The following KAT2B variants were observed in gnomAD, a reference collection of about 807,000 sequenced individuals.
KAT2B encodes lysine acetyltransferase 2B.
A neutral mutation model predicts 105.9 loss-of-function variants in KAT2B; 36 were observed. That is an observed-to-expected ratio of 0.34 (90% CI 0.26 to 0.45). The LOEUF is 0.45. Ranked by LOEUF, KAT2B falls within the 20% of genes least tolerant of loss-of-function variation. The pLI is 1.00. For missense variants in KAT2B, 820 were observed against 1,021.6 expected (o/e 0.80, Z 2.69); for synonymous variants, 397 against 377.9 (o/e 1.05, Z -0.59).
intron 5 of KAT2B, among the ~76,000 whole-genome samples, chr3:20,103,047 G>A (rs1575134941): frequency 6.6e-6 from 1 of 152,078 alleles, no homozygotes; most frequent in East Asian, 1.9e-4. Flanking sequence ...CAGTTATAAA[G>A]TATTTTCTCC....
At chr3:20,071,580 A>G (rs1363574503) in intron 1 of KAT2B, among the ~76,000 whole-genome samples, 3 of 152,222 alleles carry the variant, frequency 2.0e-5, no homozygotes, top group African/African-American at 7.2e-5. Context: ...CTTCCATTTC[A>G]TAGGTCAGAT....
intron 1 of KAT2B, among the ~76,000 whole-genome samples, chr3:20,051,327 A>G (rs532980761): frequency 5.1e-4 from 78 of 152,166 alleles, no homozygotes; most frequent in Middle Eastern, 3.4e-3. Flanking sequence ...TGGGCTGATG[A>G]TGTCACTGCT....
intron 11 of KAT2B, among the ~76,000 whole-genome samples, chr3:20,133,747 C>T (rs1699550940): frequency 1.3e-5 from 2 of 152,146 alleles, no homozygotes; most frequent in African/African-American, 2.4e-5. Context: ...ACATTTTTCA[C>T]CAGTGGTGTT....
At chr3:20,115,938 G>T (rs1253018594) in intron 7 of KAT2B, among the ~76,000 whole-genome samples, 1 of 152,144 alleles carries the variant, frequency 6.6e-6, no homozygotes, top group Non-Finnish European at 1.5e-5. Context: ...TTTGAAAAAG[G>T]TTTTCATCTG....
Position 20,117,543 on chromosome 3 carries a change from A to C in KAT2B, c.1151-2055A>C, listed in dbSNP as rs1038746232. ...GAAGGCCTATATATTGGGAGAAAAA[A>C]ACATAGAGCCTGGCACTTTAGTATA... On this transcript the variant is annotated intron_variant, in intron 7 of 17. Transcript: ENST00000263754. Among the ~76,000 whole-genome samples, 5 of 152,312 alleles carry C rather than the reference A, an allele frequency of 3.3e-5. No individual in the cohort carries two copies. In the South Asian group the frequency reaches 1.0e-3, roughly 32 times the overall value.
chr3:20,044,687 A>C (rs1697776921), intron 1 of KAT2B, among the ~76,000 whole-genome samples: 1 of 152,134 alleles, frequency 6.6e-6, no homozygotes, highest in Non-Finnish European at 1.5e-5. Flanking sequence ...CTTCCTATAG[A>C]ACTCAGATTC....
At chr3:20,041,059 C>A (rs2001650) in intron 1 of KAT2B, among the ~76,000 whole-genome samples, 6,149 of 152,184 alleles carry the variant, frequency 0.04, 392 homozygotes, top group African/African-American at 0.14. Context: ...CCCGGGCTAC[C>A]TTGGGGTTTT....
intron 5 of KAT2B, among the ~76,000 whole-genome samples, chr3:20,107,155 C>T (rs1305296288): frequency 2.8e-5 from 4 of 144,858 alleles, no homozygotes; most frequent in Admixed American, 7.0e-5. Flanking sequence ...CTCTGCCTCC[C>T]GAGTAGCTGG....
chr3:20,097,152 T>C (rs988300164), intron 3 of KAT2B, among the ~76,000 whole-genome samples: 1 of 152,168 alleles, frequency 6.6e-6, no homozygotes, highest in African/African-American at 2.4e-5. Flanking sequence ...AAGATCTTAG[T>C]TGAAGAAAAA....
At chr3:20,106,477 TCA>T (rs1350473157) in intron 5 of KAT2B, among the ~76,000 whole-genome samples, 2 of 151,220 alleles carry the variant, frequency 1.3e-5, no homozygotes, top group Non-Finnish European at 1.5e-5. Flanking sequence ...TCTGTCTCTC[TCA>T]CACACACACA....
At chr3:20,140,122 A>C in intron 12 of KAT2B, 99 bp from the exon 13 acceptor site, 1 of 775,904 alleles carries the variant, frequency 1.3e-6, no homozygotes, top group Non-Finnish European at 2.1e-6. Flanking sequence ...ACTTCAAAGA[A>C]GCTTGTCTTG....
intron 2 of KAT2B, among the ~76,000 whole-genome samples, chr3:20,093,007 C>T (rs1353694367): frequency 6.6e-6 from 1 of 152,116 alleles, no homozygotes. Context: ...GCCAGTTTTT[C>T]ACATAAAGTC....
chr3:20,119,756 T>G, intron 8 of KAT2B, 33 bp downstream of exon 8: 1 of 1,611,192 alleles, frequency 6.2e-7, no homozygotes, highest in Non-Finnish European at 8.5e-7. Flanking sequence ...GAGAGGGCTG[T>G]GACTTGCTCC....
intron 11 of KAT2B, among the ~76,000 whole-genome samples, chr3:20,135,975 G>T (rs565593737): frequency 6.6e-6 from 1 of 152,312 alleles, no homozygotes; most frequent in African/African-American, 2.4e-5. Context: ...ATTGGCCTAC[G>T]TTGGCGGTGT....
intron 9 of KAT2B, 159 bp downstream of exon 9, chr3:20,122,963 C>T (rs1417413347): frequency 2.0e-6 from 2 of 984,976 alleles, no homozygotes; most frequent in Non-Finnish European, 2.4e-6. Context: ...GCAGGAACAA[C>T]TGATCAAGAG....
At chr3:20,101,078 C>T in intron 4 of KAT2B, 1 of 544,836 alleles carries the variant, frequency 1.8e-6, no homozygotes, top group Non-Finnish European at 3.3e-6. Context: ...CTCACAGCCT[C>T]TCTGTCTTGT....
intron 1 of KAT2B, among the ~76,000 whole-genome samples, chr3:20,069,873 T>A (rs1698288583): frequency 6.6e-6 from 1 of 152,144 alleles, no homozygotes. Flanking sequence ...AGGCCAAAGT[T>A]GTATATTTCG....
chr3:20,118,211 A>G (rs1699239061), intron 7 of KAT2B, among the ~76,000 whole-genome samples: 1 of 146,600 alleles, frequency 6.8e-6, no homozygotes, highest in Non-Finnish European at 1.5e-5. Flanking sequence ...AATATACTAT[A>G]TATTTACATA....
intron 7 of KAT2B, among the ~76,000 whole-genome samples, chr3:20,118,202 A>T (rs1699238861): frequency 6.8e-6 from 1 of 146,878 alleles, no homozygotes; most frequent in Non-Finnish European, 1.5e-5. Context: ...TTTATATATA[A>T]TATACTATAT....
Sources: allele counts gnomAD v4.1 joint callset (sites outside exome capture counted in the v4.1 genomes callset), GRCh38; gene constraint gnomAD v4.1.1; transcripts MANE v1.5; gene names NCBI Gene and HGNC (gene_info 2026-07-23, HGNC 2026-07-21).